Variants in DNAH6 observed in about 807,000 individuals in gnomAD.
DNAH6 encodes the protein dynein axonemal heavy chain 6.
DNAH6 carries 340 observed loss-of-function variants against 491.4 expected under a neutral mutation model. That is an observed-to-expected ratio of 0.69 (90% CI 0.63 to 0.76). DNAH6 has a LOEUF of 0.76. Ranked by LOEUF, DNAH6 falls within the 30% of genes least tolerant of loss-of-function variation. The probability of loss-of-function intolerance (pLI) is 0.00; values close to 1 mark genes in which losing one functional copy is unlikely to be tolerated. For synonymous variants in DNAH6, 1,603 were observed against 1,686.1 expected (o/e 0.95, Z 1.21); for missense variants, 4,443 against 4,972.2 (o/e 0.89, Z 3.20).
chr2:84,610,517 C>A (rs941938197), intron 21 of DNAH6, among the ~76,000 whole-genome samples: 4 of 152,114 alleles, frequency 2.6e-5, no homozygotes, highest in Admixed American at 6.6e-5. Flanking sequence ...TCCTTGGAAT[C>A]TTTCCTTGTG....
chr2:84,497,338 A>G, the DNAH6 span, among the ~76,000 whole-genome samples: 28 of 152,250 alleles, frequency 1.8e-4, no homozygotes, highest in Middle Eastern at 3.4e-3. Flanking sequence ...AGATATGACC[A>G]TGTTGTTGTA....
At chr2:84,732,559 G>A (rs1434334371) in intron 61 of DNAH6, among the ~76,000 whole-genome samples, 1 of 152,204 alleles carries the variant, frequency 6.6e-6, no homozygotes, top group Non-Finnish European at 1.5e-5. Context: ...TGATTTCCAT[G>A]AAGTGTCCAT....
At chr2:84,533,913 G>A (rs1395484735) in intron 4 of DNAH6, among the ~76,000 whole-genome samples, 3 of 152,066 alleles carry the variant, frequency 2.0e-5, no homozygotes, top group Non-Finnish European at 4.4e-5. Context: ...CAAAAACTAA[G>A]GTTGTTATTG....
Position 84,621,207 on chromosome 2 carries a change from G to A in DNAH6, c.3809G>A (p.Gly1270Asp). The change falls in exon 25 of 77, where the codon GGC (glycine) becomes GAC (aspartate). Residue 1270 changes from glycine (G) to aspartate (D), a missense_variant. Gly to Asp is a moderately conservative substitution (Grantham distance 94, BLOSUM62 -1). Coordinates refer to ENST00000389394, the MANE Select transcript of DNAH6 (RefSeq NM_001370.2). ...PEGERVSLGK[G>D]LKARGNVEEW... ...ACCTTTTAGGTTAGCTTGGGGAAAG[G>A]CCTCAAGGCCCGAGGCAATGTAGAG... The A allele has an allele frequency of 1.3e-6, 2 of 1,551,540 alleles. No individual in the cohort carries two copies. The highest frequency in any genetic ancestry group is 1.7e-6 in the Non-Finnish European group (2 of 1,146,858).
intron 31 of DNAH6, among the ~76,000 whole-genome samples, chr2:84,638,602 A>G (rs1370144530): frequency 6.6e-6 from 1 of 152,214 alleles, no homozygotes; most frequent in African/African-American, 2.4e-5. Context: ...ATATTCTTCT[A>G]TGTGAAATAA....
In DNAH6 at chr2:84,637,337, C is replaced by T; in HGVS notation, c.4781C>T (p.Pro1594Leu). 1 of 1,549,690 alleles carries T rather than the reference C, an allele frequency of 6.5e-7. No homozygotes were observed. ...GATAATTTGAAAGCCCTGTTTAGAC[C>T]ATTTGCGATGATGGTTCCAAATTAT... Reference protein sequence around the residue: ...LPDNLKALFRPFAMMVPNYAL... With the variant: ...LPDNLKALFRLFAMMVPNYAL... The change falls in exon 31 of 77, where the codon CCA (proline) becomes CTA (leucine). Residue 1594 changes from proline (P) to leucine (L), a missense_variant. By Grantham distance (98) the Pro-to-Leu change is moderately conservative. Transcript: ENST00000389394.
chr2:84,645,049 CT>C (rs1199792870), intron 33 of DNAH6, among the ~76,000 whole-genome samples: 1 of 152,198 alleles, frequency 6.6e-6, no homozygotes, highest in East Asian at 1.9e-4. Flanking sequence ...CTAATTTACA[CT>C]CCCACCAACA....
chr2:84,602,777 C>T (rs539524107), intron 18 of DNAH6, among the ~76,000 whole-genome samples: 2 of 147,040 alleles, frequency 1.4e-5, no homozygotes, highest in South Asian at 4.4e-4. Context: ...TGACATTGTC[C>T]CACAGGTCTT....
intron 70 of DNAH6, among the ~76,000 whole-genome samples, chr2:84,804,800 C>T (rs898083849): frequency 6.6e-6 from 1 of 151,930 alleles, no homozygotes; most frequent in African/African-American, 2.4e-5. Context: ...GCATTAAGTA[C>T]ATTTATTTAT....
chr2:84,616,865 C>T (rs1373696874), intron 22 of DNAH6, 21 bp from the exon 23 acceptor site: 3 of 1,330,916 alleles, frequency 2.3e-6, no homozygotes, highest in Non-Finnish European at 3.0e-6. Flanking sequence ...TTTACCAATA[C>T]TATTTTTTTT....
intron 35 of DNAH6, among the ~76,000 whole-genome samples, chr2:84,655,702 G>A (rs954590196): frequency 6.6e-6 from 1 of 152,038 alleles, no homozygotes; most frequent in Non-Finnish European, 1.5e-5. Flanking sequence ...GCTTAGGGCA[G>A]TTTTAAGTTT....
upstream of DNAH6, among the ~76,000 whole-genome samples, chr2:84,511,623 C>T (rs557205630): frequency 2.0e-5 from 3 of 152,190 alleles, no homozygotes; most frequent in Non-Finnish European, 4.4e-5. Flanking sequence ...GAACCCAGTA[C>T]CTCAGTTGGA....
chr2:84,678,073 C>T (rs951538545), intron 41 of DNAH6, among the ~76,000 whole-genome samples: 2 of 152,092 alleles, frequency 1.3e-5, no homozygotes, highest in Non-Finnish European at 2.9e-5. Context: ...GGACAGACCC[C>T]GCATGTATAC....
At chr2:84,655,938 C>G (rs562789623) in intron 35 of DNAH6, among the ~76,000 whole-genome samples, 221 of 152,254 alleles carry the variant, frequency 1.5e-3, no homozygotes, top group African/African-American at 5.2e-3. Flanking sequence ...TAAAATTCCT[C>G]TAAGCTCTAC....
chr2:84,786,519 C>T (rs1677220290), intron 67 of DNAH6, among the ~76,000 whole-genome samples: 2 of 151,630 alleles, frequency 1.3e-5, no homozygotes, highest in Admixed American at 1.3e-4. Flanking sequence ...ATCAGAGGTT[C>T]TGGGTGAGGC....
At chr2:84,745,665 CAA>C (rs34589141) in intron 63 of DNAH6, among the ~76,000 whole-genome samples, 18 of 61,876 alleles carry the variant, frequency 2.9e-4, no homozygotes, top group Admixed American at 3.6e-4. Flanking sequence ...GACACTGTCT[CAA>C]AAAAAAAAAA....
At chr2:84,503,735 C>T in the DNAH6 span, among the ~76,000 whole-genome samples, 1 of 151,420 alleles carries the variant, frequency 6.6e-6, no homozygotes, top group East Asian at 1.9e-4. Flanking sequence ...TCTCTCCTGG[C>T]CTGTAAGTTT....
At chr2:84,662,216 G>T (rs1456263534) in intron 37 of DNAH6, among the ~76,000 whole-genome samples, 1 of 152,118 alleles carries the variant, frequency 6.6e-6, no homozygotes, top group Non-Finnish European at 1.5e-5. Flanking sequence ...GCAGAAGATG[G>T]TTGATTTCTG....
At chr2:84,748,672 A>G (rs552880000) in intron 63 of DNAH6, among the ~76,000 whole-genome samples, 24 of 152,058 alleles carry the variant, frequency 1.6e-4, no homozygotes, top group Non-Finnish European at 3.2e-4. Context: ...GAGCCCTCCA[A>G]ACTCTTCCAG....
Sources: gnomAD v4.1 joint callset for allele counts (sites outside exome capture counted in the v4.1 genomes callset) on GRCh38, gnomAD v4.1.1 for gene constraint, MANE v1.5 for transcripts, NCBI Gene and HGNC (gene_info 2026-07-23, HGNC 2026-07-21) for gene names.